Variants in GPHN observed in about 807,000 individuals in gnomAD.
GPHN encodes gephyrin.
A neutral mutation model predicts 95.5 loss-of-function variants in GPHN; 17 were observed. The observed-to-expected ratio is 0.18, with a 90% CI of 0.12 to 0.27. The LOEUF (loss-of-function observed/expected upper bound fraction) is 0.27. Among genes scored for constraint, GPHN ranks in the 10% least tolerant of loss-of-function variants. GPHN has a pLI of 1.00. For missense variants in GPHN, 660 were observed against 978.1 expected (o/e 0.67, Z 4.34); for synonymous variants, 320 against 322.5 (o/e 0.99, Z 0.08).
At chr14:67,615,114 C>G in the GPHN span, 1 of 152,184 alleles carries the variant, frequency 6.6e-6, no homozygotes. Context: ...TCTCTAGATC[C>G]TCCTACAAAG....
chr14:67,484,215 T>C, the GPHN span, among the ~76,000 whole-genome samples: 2 of 152,140 alleles, frequency 1.3e-5, no homozygotes, highest in African/African-American at 4.8e-5. Context: ...AATGAAAACT[T>C]CATGAGAGCA....
chr14:67,700,438 G>A, the GPHN span, among the ~76,000 whole-genome samples: 19,218 of 152,000 alleles, frequency 0.13, 1,481 homozygotes, highest in South Asian at 0.34. Flanking sequence ...ACAGAAGGCC[G>A]GGCACAGTAG....
At chr14:67,204,361 C>T in the GPHN span, 1 of 478,226 alleles carries the variant, frequency 2.1e-6, no homozygotes, top group African/African-American at 2.1e-5. Context: ...ACCACTTAGG[C>T]ACAGGAAGTC....
At chr14:67,303,702 A>AGAGAT in the GPHN span, 7 of 774,864 alleles carry the variant, frequency 9.0e-6, no homozygotes, top group African/African-American at 1.8e-5. Flanking sequence ...GTACTCAAAT[A>AGAGAT]AATTCAATCA....
downstream of GPHN, among the ~76,000 whole-genome samples, chr14:67,185,336 C>A (rs907390783): frequency 3.3e-5 from 5 of 152,104 alleles, no homozygotes; most frequent in African/African-American, 9.7e-5. Flanking sequence ...AGAAAAGGGG[C>A]ATTTTTCCTT....
Position 67,180,899 on chromosome 14 carries a change from G to A in GPHN, c.2272G>A (p.Gly758Ser). 6.2e-7 allele frequency: 1 copy of A among 1,614,010 alleles called. No homozygotes were observed. Among genetic ancestry groups the A allele is most frequent in the Non-Finnish European group, 8.5e-7 (1 of 1,179,942 alleles). ...AGAACAGTACGTGGAGCTCCACAAAGGCGAGGTGGTGGATGTCATGGTCAT... is the reference window on the plus strand; with the variant it reads ...AGAACAGTACGTGGAGCTCCACAAAAGCGAGGTGGTGGATGTCATGGTCAT... Reference protein sequence around the residue: ...KTEQYVELHKGEVVDVMVIGR... With the variant: ...KTEQYVELHKSEVVDVMVIGR... The change falls in exon 23 of 23, where the codon GGC becomes AGC. Residue 758 changes from glycine (G) to serine (S), a missense_variant. Coordinates refer to ENST00000478722, the MANE Select transcript of GPHN (RefSeq NM_020806.5).
intron 9 of GPHN, among the ~76,000 whole-genome samples, chr14:66,998,296 T>C (rs1486171264): frequency 6.6e-6 from 1 of 152,176 alleles, no homozygotes; most frequent in Non-Finnish European, 1.5e-5. Flanking sequence ...GGTTTCTCTC[T>C]TTCACTCAAT....
chr14:66,594,122 C>G (rs1008162250), intron 1 of GPHN, among the ~76,000 whole-genome samples: 1 of 151,970 alleles, frequency 6.6e-6, no homozygotes, highest in Admixed American at 6.6e-5. Flanking sequence ...GGTAAAAACT[C>G]TGTAAGCAGA....
the GPHN span, among the ~76,000 whole-genome samples, chr14:67,546,669 C>T: frequency 3.3e-5 from 5 of 152,184 alleles, no homozygotes; most frequent in Admixed American, 6.5e-5. Context: ...GGATTGCAGG[C>T]GTGAGCCACC....
chr14:67,103,259 A>G (rs2077826316), intron 13 of GPHN, among the ~76,000 whole-genome samples: 1 of 152,102 alleles, frequency 6.6e-6, no homozygotes, highest in Non-Finnish European at 1.5e-5. Flanking sequence ...TTCAGTTACT[A>G]TAGCTTTGTA....
the GPHN span, among the ~76,000 whole-genome samples, chr14:67,479,584 G>A: frequency 2.6e-5 from 4 of 151,996 alleles, no homozygotes; most frequent in African/African-American, 9.7e-5. Flanking sequence ...CGGGCATGGT[G>A]GCATGCACCT....
chr14:67,500,599 T>C, the GPHN span, among the ~76,000 whole-genome samples: 17 of 146,038 alleles, frequency 1.2e-4, no homozygotes, highest in Admixed American at 1.2e-3. Flanking sequence ...TGAGATGGAG[T>C]CTCGCTCTGT....
At chr14:66,818,554 A>G (rs1160634228) in intron 3 of GPHN, among the ~76,000 whole-genome samples, 1 of 152,192 alleles carries the variant, frequency 6.6e-6, no homozygotes, top group Non-Finnish European at 1.5e-5. Flanking sequence ...ATAGTGCTAC[A>G]ATGAACATAC....
chr14:67,690,452 C>A, the GPHN span: 1 of 1,593,704 alleles, frequency 6.3e-7, no homozygotes, highest in South Asian at 1.1e-5. Flanking sequence ...TAATGAAGTT[C>A]AGGGCCATGT....
chr14:67,593,316 T>C, the GPHN span: 26,476 of 206,822 alleles, frequency 0.13, 2,311 homozygotes, highest in Admixed American at 0.28. Context: ...ATAGTGAGAC[T>C]GCATCTCTGC....
At chr14:66,845,819 CTG>C (rs367997271) in intron 4 of GPHN, among the ~76,000 whole-genome samples, 13,254 of 143,016 alleles carry the variant, frequency 0.093, 942 homozygotes, top group East Asian at 0.41. Flanking sequence ...ATACATGCCT[CTG>C]TGTGTGTGTG....
chr14:67,269,677 T>C, the GPHN span: 1 of 152,544 alleles, frequency 6.6e-6, no homozygotes, highest in Non-Finnish European at 1.5e-5. Context: ...ATTTGATCAA[T>C]TGTCTCATTT....
chr14:66,893,311 C>T lies in GPHN; in HGVS notation c.389+13278C>T, dbSNP rs552115839. 1.1e-4 allele frequency among the ~76,000 whole-genome samples: 16 copies of T among 152,194 alleles called. No individual in the cohort carries two copies. In the East Asian group the frequency reaches 1.7e-3, roughly 17 times the overall value. ...CCGGGTTCATCTCACTGGGGCTCAT[C>T]GGACAGTGGGGGCAGGACAGTGGTT... On this transcript the variant is annotated intron_variant, in intron 5 of 22. Coordinates refer to ENST00000478722, the MANE Select transcript of GPHN (RefSeq NM_020806.5).
At chr14:67,136,134 T>C (rs2080065559) in intron 17 of GPHN, among the ~76,000 whole-genome samples, 1 of 152,216 alleles carries the variant, frequency 6.6e-6, no homozygotes, top group Admixed American at 6.5e-5. Context: ...AATATTATGC[T>C]CATTCTTCCA....
Sources: gnomAD v4.1 joint callset for allele counts (sites outside exome capture counted in the v4.1 genomes callset) on GRCh38, gnomAD v4.1.1 for gene constraint, MANE v1.5 for transcripts, NCBI Gene and HGNC (gene_info 2026-07-23, HGNC 2026-07-21) for gene names.